AFF2: variants seen among roughly 807,000 people sequenced by gnomAD.
The protein encoded by AFF2 is AF4/FMR2 family member 2.
A neutral mutation model predicts 76.9 loss-of-function variants in AFF2; 14 were observed. The ratio of observed to expected loss-of-function variants is 0.18; its 90% CI spans 0.12 to 0.28. The LOEUF is 0.28. AFF2 is among the 10% of genes least tolerant of loss of function. The pLI, the probability that AFF2 is intolerant of heterozygous loss-of-function variation, is 1.00. For synonymous variants in AFF2, 398 were observed against 366.7 expected (o/e 1.09, Z -0.98); for missense variants, 868 against 1,001.1 (o/e 0.87, Z 1.79).
chrX:148,580,341 TA>T (rs2053340326), intron 1 of AFF2, among the ~76,000 whole-genome samples: 1 of 111,351 alleles, frequency 9.0e-6, no homozygotes, highest in East Asian at 2.8e-4. Context: ...CCACCTTTTG[TA>T]AAAGAACCCC....
intron 1 of AFF2, among the ~76,000 whole-genome samples, chrX:148,525,598 C>A (rs1030452025): frequency 3.6e-5 from 4 of 111,590 alleles, no homozygotes; most frequent in Non-Finnish European, 7.5e-5. Context: ...TCAACACTAT[C>A]TATCTATAGA....
chrX:148,856,824 C>A, intron 7 of AFF2, among the ~76,000 whole-genome samples: 1 of 112,221 alleles, frequency 8.9e-6, no homozygotes, highest in African/African-American at 3.2e-5. Flanking sequence ...TCTTTATTCC[C>A]AGTTTTTGCA....
At chrX:148,680,838 C>G (rs1208979880) in intron 3 of AFF2, among the ~76,000 whole-genome samples, 1 of 111,122 alleles carries the variant, frequency 9.0e-6, no homozygotes, top group Non-Finnish European at 1.9e-5. Flanking sequence ...TGCACTAAGC[C>G]CTACAAGACA....
intron 3 of AFF2, among the ~76,000 whole-genome samples, chrX:148,758,255 G>T (rs1557267061): frequency 1.8e-5 from 2 of 112,259 alleles, no homozygotes; most frequent in African/African-American, 6.5e-5. Flanking sequence ...TTTGAGAGAA[G>T]AACTGTCAAC....
chrX:148,944,082 C>T (rs2071871602), intron 9 of AFF2, among the ~76,000 whole-genome samples: 1 of 112,228 alleles, frequency 8.9e-6, no homozygotes, highest in South Asian at 3.8e-4. Context: ...AAGGCGGAGG[C>T]TTATGCTAAG....
intron 7 of AFF2, among the ~76,000 whole-genome samples, chrX:148,850,609 T>C (rs1244920428): frequency 8.9e-6 from 1 of 112,310 alleles, no homozygotes; most frequent in Non-Finnish European, 1.9e-5. Context: ...GATGCACACA[T>C]AGACATATGC....
intron 3 of AFF2, among the ~76,000 whole-genome samples, chrX:148,712,095 T>C (rs1557262956): frequency 8.9e-6 from 1 of 111,750 alleles, no homozygotes; most frequent in Non-Finnish European, 1.9e-5. Context: ...ATACAAGTAA[T>C]GGTTTAAAGC....
chrX:148,579,115 T>A (rs2053324000), intron 1 of AFF2, among the ~76,000 whole-genome samples: 1 of 111,580 alleles, frequency 9.0e-6, no homozygotes. Context: ...AGAAAATGTG[T>A]CTATGATCAG....
intron 1 of AFF2, among the ~76,000 whole-genome samples, chrX:148,600,026 G>GA (rs1209589772): frequency 7.1e-5 from 8 of 111,986 alleles, no homozygotes; most frequent in African/African-American, 2.6e-4. Flanking sequence ...GATGACAGGT[G>GA]AAAAAATTGA....
At chrX:148,541,488 A>C (rs2052856290) in intron 1 of AFF2, among the ~76,000 whole-genome samples, 1 of 111,389 alleles carries the variant, frequency 9.0e-6, no homozygotes, top group African/African-American at 3.3e-5. Flanking sequence ...AGCTAAGGCA[A>C]GTGAAGAAAA....
chrX:148,787,847 T>A (rs2069841911), intron 3 of AFF2, among the ~76,000 whole-genome samples: 1 of 112,288 alleles, frequency 8.9e-6, no homozygotes, highest in Admixed American at 9.5e-5. Flanking sequence ...ATGTTGAATC[T>A]GTAATCACTA....
intron 8 of AFF2, among the ~76,000 whole-genome samples, chrX:148,894,506 A>C (rs1221932812): frequency 1.8e-5 from 2 of 112,161 alleles, no homozygotes; most frequent in Non-Finnish European, 3.8e-5. Flanking sequence ...ATACAGGTGG[A>C]TGGGCGGAAA....
chrX:148,539,183 A>T (rs782556335), intron 1 of AFF2, among the ~76,000 whole-genome samples: 7 of 112,285 alleles, frequency 6.2e-5, no homozygotes, highest in Admixed American at 3.8e-4. Flanking sequence ...AAAGTAATCT[A>T]ATTCATTAAG....
chrX:148,518,097 A>G (rs183746537), intron 1 of AFF2, among the ~76,000 whole-genome samples: 1 of 112,147 alleles, frequency 8.9e-6, no homozygotes, highest in East Asian at 2.8e-4. Flanking sequence ...CCCAAGATGA[A>G]TAGTTTCTTG....
At chrX:148,851,366 A>T (rs782245904) in intron 7 of AFF2, among the ~76,000 whole-genome samples, 1 of 112,753 alleles carries the variant, frequency 8.9e-6, no homozygotes, top group African/African-American at 3.2e-5. Context: ...TATTTGATTG[A>T]CATCTACAAA....
At chrX:148,593,098 G>A (rs782325425) in intron 1 of AFF2, among the ~76,000 whole-genome samples, 2 of 112,131 alleles carry the variant, frequency 1.8e-5, no homozygotes, top group African/African-American at 3.2e-5. Context: ...ATCCTCATGT[G>A]TTCAGGAAAA....
rs1329331189 is a variant in AFF2, at chrX:148,997,230, A to T, written c.*5898A>T. On this transcript the variant is annotated 3_prime_UTR_variant, in exon 21 of 21. Transcript: ENST00000370460. ...TTTTCCACCCAGTACGAAGAAAACT[A>T]AGCTCAGTAACAAGAAGGCATAAAC... The T allele has an allele frequency of 3.6e-5, 4 of 111,868 alleles. No individual in the cohort carries two copies. Among genetic ancestry groups the T allele is most frequent in the African/African-American group, 1.3e-4 (4 of 30,672 alleles). The allele number at this position is 111,868 out of a possible 1,213,427, so 9.2% of individuals were successfully genotyped here.
intron 1 of AFF2, among the ~76,000 whole-genome samples, chrX:148,613,300 C>T (rs925944412): frequency 1.2e-4 from 13 of 111,682 alleles, no homozygotes; most frequent in East Asian, 5.7e-4. Flanking sequence ...GAAATGGATC[C>T]GTCTTTATGC....
chrX:148,796,061 A>G (rs2069978278), intron 3 of AFF2, among the ~76,000 whole-genome samples: 1 of 106,308 alleles, frequency 9.4e-6, no homozygotes, highest in Non-Finnish European at 1.9e-5. Context: ...ATGATAATGC[A>G]TTTTCATGAA....
Sources: gnomAD v4.1 joint callset for allele counts (sites outside exome capture counted in the v4.1 genomes callset) on GRCh38, gnomAD v4.1.1 for gene constraint, MANE v1.5 for transcripts, NCBI Gene and HGNC (gene_info 2026-07-23, HGNC 2026-07-21) for gene names.